Variants in NRG3 observed in about 807,000 individuals in gnomAD.
NRG3 encodes the protein neuregulin 3.
NRG3 carries 31 observed loss-of-function variants against 66.9 expected under a neutral mutation model. The ratio of observed to expected loss-of-function variants is 0.46; its 90% CI spans 0.35 to 0.63. NRG3 has a LOEUF of 0.63. Ranked by LOEUF, NRG3 falls within the 20% of genes least tolerant of loss-of-function variation. The pLI is 0.00. For missense variants in NRG3, 910 were observed against 878.9 expected (o/e 1.04, Z -0.45); for synonymous variants, 393 against 359.4 (o/e 1.09, Z -1.06).
intron 1 of NRG3, among the ~76,000 whole-genome samples, chr10:82,239,213 CAT>C (rs952532782): frequency 1.3e-4 from 19 of 151,880 alleles, no homozygotes; most frequent in African/African-American, 4.6e-4. Context: ...TATATATATG[CAT>C]ATATACATGT....
intron 2 of NRG3, among the ~76,000 whole-genome samples, chr10:82,668,767 G>T (rs753906556): frequency 6.6e-6 from 1 of 152,062 alleles, no homozygotes; most frequent in African/African-American, 2.4e-5. Context: ...AGATTATCTC[G>T]AAGGCTCTGG....
intron 2 of NRG3, among the ~76,000 whole-genome samples, chr10:82,665,935 C>G (rs1297094639): frequency 6.6e-6 from 1 of 152,154 alleles, no homozygotes; most frequent in Non-Finnish European, 1.5e-5. Flanking sequence ...GATCTCGGCT[C>G]ACTGCAACCT....
intron 3 of NRG3, among the ~76,000 whole-genome samples, chr10:82,844,822 T>C (rs1289143647): frequency 1.3e-5 from 2 of 152,168 alleles, no homozygotes; most frequent in Non-Finnish European, 1.5e-5. Context: ...AGTCTTTGCT[T>C]CTATTTCTCA....
chr10:81,883,893 G>A (rs1842394491), intron 1 of NRG3, among the ~76,000 whole-genome samples: 1 of 152,128 alleles, frequency 6.6e-6, no homozygotes, highest in Non-Finnish European at 1.5e-5. Flanking sequence ...CTTGGAAGGG[G>A]CTTAAGAATT....
chr10:82,866,336 C>T (rs1379709051), intron 4 of NRG3, among the ~76,000 whole-genome samples: 1 of 152,036 alleles, frequency 6.6e-6, no homozygotes, highest in Non-Finnish European at 1.5e-5. Flanking sequence ...TTAATTTATC[C>T]ATTCACCCAT....
At chr10:82,527,093 C>T (rs1286483324) in intron 2 of NRG3, among the ~76,000 whole-genome samples, 1 of 151,860 alleles carries the variant, frequency 6.6e-6, no homozygotes, top group South Asian at 2.1e-4. Context: ...CATACCAAGA[C>T]TATTTATAAT....
intron 1 of NRG3, among the ~76,000 whole-genome samples, chr10:81,971,831 G>C (rs2059945108): frequency 6.6e-6 from 1 of 152,170 alleles, no homozygotes. Context: ...CTAGAGAAAA[G>C]TCTCAAAAGA....
chr10:81,978,710 C>G (rs888741516), intron 1 of NRG3, among the ~76,000 whole-genome samples: 3 of 151,694 alleles, frequency 2.0e-5, no homozygotes, highest in African/African-American at 7.3e-5. Context: ...TATATATTTG[C>G]ATCTTTCTTT....
At chr10:82,584,850 G>C (rs994560487) in intron 2 of NRG3, among the ~76,000 whole-genome samples, 12 of 152,234 alleles carry the variant, frequency 7.9e-5, no homozygotes, top group Non-Finnish European at 7.3e-5. Flanking sequence ...TCATTTGAAG[G>C]TATGTTCTGT....
rs908129515 is a variant in NRG3 at position 82,958,993 on chromosome 10, A to G, written c.1202A>G (p.Asn401Ser). 1 of 1,607,122 alleles carries G rather than the reference A, an allele frequency of 6.2e-7. No homozygotes were observed. Among genetic ancestry groups the G allele is most frequent in the Non-Finnish European group, 8.5e-7 (1 of 1,178,188 alleles). ...CAAGAGCAGCTGAAAGTGCCACAAA[A>G]TGGTAAAAGCTACAGTCTCAAAGCA... The part of the protein sequence containing the change: ...QIQEQLKVPQ[N>S]GKSYSLKASS... Residue 401 changes from asparagine to serine, a missense_variant, in exon 6 of 9, where the codon AAT (asparagine) becomes AGT (serine). Transcript: ENST00000372141.
intron 2 of NRG3, among the ~76,000 whole-genome samples, chr10:82,488,621 G>C (rs948772588): frequency 5.9e-5 from 9 of 152,162 alleles, no homozygotes; most frequent in African/African-American, 2.2e-4. Flanking sequence ...CATGGAAGCA[G>C]AGATGACTTT....
chr10:82,917,388 G>T (rs938906801), intron 4 of NRG3, among the ~76,000 whole-genome samples: 2 of 152,122 alleles, frequency 1.3e-5, no homozygotes, highest in African/African-American at 4.8e-5. Flanking sequence ...AAATAAAAGC[G>T]ACAGTCCAAG....
intron 2 of NRG3, among the ~76,000 whole-genome samples, chr10:82,540,243 A>T (rs1223311083): frequency 2.6e-5 from 4 of 151,988 alleles, no homozygotes; most frequent in Non-Finnish European, 5.9e-5. Context: ...TAAAAAAAAA[A>T]AAATTGTCCC....
At chr10:82,835,490 GA>G (rs2062728837) in intron 3 of NRG3, among the ~76,000 whole-genome samples, 1 of 152,150 alleles carries the variant, frequency 6.6e-6, no homozygotes. Flanking sequence ...AGAAAGAGAT[GA>G]CCCAGAATCA....
chr10:82,618,678 T>G (rs554775697), intron 2 of NRG3, among the ~76,000 whole-genome samples: 1 of 152,166 alleles, frequency 6.6e-6, no homozygotes, highest in South Asian at 2.1e-4. Flanking sequence ...ATATAAAAAC[T>G]TCCAATTCCA....
intron 2 of NRG3, among the ~76,000 whole-genome samples, chr10:82,636,716 G>T (rs183087800): frequency 1.9e-4 from 29 of 152,180 alleles, no homozygotes; most frequent in Admixed American, 1.6e-3. Flanking sequence ...TGGGCATGGA[G>T]ATATCTTTAT....
At chr10:82,658,859 CT>C (rs1283732661) in intron 2 of NRG3, among the ~76,000 whole-genome samples, 3 of 152,028 alleles carry the variant, frequency 2.0e-5, no homozygotes, top group Non-Finnish European at 2.9e-5. Flanking sequence ...TTAAGGGATA[CT>C]TTTTTCAATC....
At chr10:81,997,059 G>C (rs766379404) in intron 1 of NRG3, among the ~76,000 whole-genome samples, 1 of 152,098 alleles carries the variant, frequency 6.6e-6, no homozygotes, top group Non-Finnish European at 1.5e-5. Context: ...ATCTATAAGA[G>C]ACTATACATT....
rs144069350 is a variant in NRG3, at chr10:82,282,700, G to A, written c.824-76039G>A. Among the ~76,000 whole-genome samples, 52 of 152,284 alleles carry A rather than the reference G, an allele frequency of 3.4e-4. 1 individual carries two copies. In the East Asian group the frequency reaches 9.7e-3, roughly 28 times the overall value. Reference sequence around the variant, plus strand: ...GCAAATTAGCGACAAAGGTATGTATGCATCCTCACTGTTAGGAACGAGGGA... The same window carrying A: ...GCAAATTAGCGACAAAGGTATGTATACATCCTCACTGTTAGGAACGAGGGA... On this transcript the variant is annotated intron_variant, in intron 1 of 8. Transcript: ENST00000372141.
Sources: allele counts gnomAD v4.1 joint callset (sites outside exome capture counted in the v4.1 genomes callset), GRCh38; gene constraint gnomAD v4.1.1; transcripts MANE v1.5; gene names NCBI Gene and HGNC (gene_info 2026-07-23, HGNC 2026-07-21).